The following ELP1 variants were observed in gnomAD, a reference collection of about 807,000 sequenced individuals.
The protein encoded by ELP1 is elongator complex protein 1.
In ELP1, 131 loss-of-function variants were observed where a neutral mutation model predicts 183.2. The observed-to-expected ratio is 0.72, with a 90% CI of 0.62 to 0.83. The LOEUF (loss-of-function observed/expected upper bound fraction) is 0.83, where lower values mean the gene tolerates loss of function less well. ELP1 is among the 40% of genes least tolerant of loss of function. ELP1 has a pLI of 0.00. For synonymous variants in ELP1, 555 were observed against 569.0 expected (o/e 0.98, Z 0.35); for missense variants, 1,550 against 1,594.9 (o/e 0.97, Z 0.48).
intron 35 of ELP1, chr9:108,875,635 C>G (rs1389264568): frequency 5.7e-6 from 2 of 347,996 alleles, no homozygotes; most frequent in Non-Finnish European, 1.1e-5. Flanking sequence ...TGGCTTACAC[C>G]TGTAATCTCA....
chr9:108,913,045 C>T (rs1829291061), intron 10 of ELP1, among the ~76,000 whole-genome samples: 1 of 152,084 alleles, frequency 6.6e-6, no homozygotes, highest in South Asian at 2.1e-4. Context: ...CAGGCCTGAG[C>T]CACCGTGCCT....
At chr9:108,931,280 G>A (rs909216296) in intron 1 of ELP1, 79 bp from the exon 2 acceptor site, 3 of 945,570 alleles carry the variant, frequency 3.2e-6, no homozygotes, top group East Asian at 2.5e-5. Flanking sequence ...GTGAAGAAGT[G>A]GTAGTCAGAA....
intron 14 of ELP1, among the ~76,000 whole-genome samples, chr9:108,904,229 G>A (rs190677966): frequency 2.7e-4 from 41 of 149,890 alleles, no homozygotes; most frequent in African/African-American, 9.0e-4. Context: ...TCAATGGAGC[G>A]AAGTAAAATT....
chr9:108,910,711 A>C (rs932429409), intron 12 of ELP1, among the ~76,000 whole-genome samples: 3 of 152,202 alleles, frequency 2.0e-5, no homozygotes, highest in Non-Finnish European at 4.4e-5. Flanking sequence ...GAAAAGAGTA[A>C]AACATGTTAA....
intron 14 of ELP1, among the ~76,000 whole-genome samples, 161 bp from the exon 15 acceptor site, chr9:108,903,830 C>A (rs957667228): frequency 1.4e-5 from 1 of 70,322 alleles, no homozygotes; most frequent in African/African-American, 4.4e-5. Context: ...ACTATACACA[C>A]ACACACACAC....
chr9:108,924,766 A>G (rs1829773540), intron 5 of ELP1, among the ~76,000 whole-genome samples: 1 of 152,098 alleles, frequency 6.6e-6, no homozygotes, highest in African/African-American at 2.4e-5. Flanking sequence ...TGGTCCTTCA[A>G]CAAATCCAAA....
chr9:108,879,785 G>A (rs933056954), intron 32 of ELP1, among the ~76,000 whole-genome samples: 1 of 152,186 alleles, frequency 6.6e-6, no homozygotes, highest in African/African-American at 2.4e-5. Context: ...AACTCATTTT[G>A]TTAGACACGG....
At position 108,926,527 on chromosome 9, in the gene ELP1, A is replaced by T. The variant is rs2132043736; in HGVS notation, c.462T>A (p.Gly154=). Residue 154 remains glycine (G), a synonymous_variant, in exon 5 of 37, where the codon GGT becomes GGA. Coordinates refer to ENST00000374647, the MANE Select transcript of ELP1 (RefSeq NM_003640.5). ...ATTGCACAAAGCTATACTTACTTTC[A>T]CCAAAATCATCCTGATGGATCTGCT... ...LEQQIHQDDF[G]ESKFITVGWG... 6.2e-7 allele frequency: 1 copy of T among 1,612,144 alleles called. No homozygotes were observed.
At chr9:108,871,292 T>A (rs932526151) in intron 36 of ELP1, among the ~76,000 whole-genome samples, 2 of 152,024 alleles carry the variant, frequency 1.3e-5, no homozygotes, top group African/African-American at 4.8e-5. Context: ...GAGATGTGTG[T>A]TTGGGGGCAA....
intron 35 of ELP1, among the ~76,000 whole-genome samples, chr9:108,877,155 G>A (rs1304257343): frequency 1.3e-5 from 2 of 152,158 alleles, no homozygotes; most frequent in African/African-American, 4.8e-5. Context: ...CCTCTCAGAG[G>A]TTCAAGAGCC....
Position 108,878,693 on chromosome 9 carries a change from G to A in ELP1, c.3630C>T (p.Gly1210=). 6.2e-7 allele frequency: 1 copy of A among 1,614,170 alleles called. No homozygotes were observed. The highest frequency in any genetic ancestry group is 8.5e-7 in the Non-Finnish European group (1 of 1,180,020). The change falls in exon 34 of 37, where the codon GGC becomes GGT. Residue 1210 remains glycine (G), a synonymous_variant. Coordinates refer to ENST00000374647, the MANE Select transcript of ELP1 (RefSeq NM_003640.5). Reference sequence around the variant, plus strand: ...GGAGGGCCAGGTCCTCCAGCGGACTGCCTTCTTTGAGGCTGTGCTTCTTCC... The same window carrying A: ...GGAGGGCCAGGTCCTCCAGCGGACTACCTTCTTTGAGGCTGTGCTTCTTCC... ...AERKKHSLKE[G]SPLEDLALLE...
At chr9:108,920,354 T>C (rs571917280) in intron 6 of ELP1, among the ~76,000 whole-genome samples, 1 of 150,960 alleles carries the variant, frequency 6.6e-6, no homozygotes, top group African/African-American at 2.4e-5. Flanking sequence ...CAATCTTGGC[T>C]CACCGCAACC....
At chr9:108,897,335 C>G in intron 22 of ELP1, 50 bp from the exon 23 acceptor site, 1 of 1,602,788 alleles carries the variant, frequency 6.2e-7, no homozygotes. Flanking sequence ...TGTAGCCCAG[C>G]GATCAAATTA....
At chr9:108,873,724 TCTGGGAAATAAGTGGG>T (rs906022211) in intron 36 of ELP1, among the ~76,000 whole-genome samples, 1 of 152,056 alleles carries the variant, frequency 6.6e-6, no homozygotes, top group African/African-American at 2.4e-5. Context: ...GTTCCTAGCA[TCTGGGAAATAAGTGGG>T]CTGGGCACAG....
At chr9:108,872,194 CAT>C (rs1246410620) in intron 36 of ELP1, among the ~76,000 whole-genome samples, 2 of 152,216 alleles carry the variant, frequency 1.3e-5, no homozygotes, top group African/African-American at 2.4e-5. Context: ...TGGAGACTCT[CAT>C]GTGCTGCTCA....
chr9:108,925,496 A>C (rs544167824), intron 5 of ELP1, among the ~76,000 whole-genome samples: 1 of 150,578 alleles, frequency 6.6e-6, no homozygotes, highest in Non-Finnish European at 1.5e-5. Flanking sequence ...TCAGCTGACT[A>C]CTCCAAACCC....
Position 108,912,422 on chromosome 9 carries a change from C to T in ELP1, c.1031G>A (p.Ser344Asn), listed in dbSNP as rs374294411. ...QSLSFSTCGKSKIVSLMWDPV... is the reference protein window; with the variant it reads ...QSLSFSTCGKNKIVSLMWDPV... ...GTCCCACATCAGAGACACAATCTTG[C>T]TCTTCCCACAGGTGCTGAAGGATAA... is the stretch of plus-strand genomic sequence containing the variant. The change falls in exon 11 of 37, where the codon AGC (serine) becomes AAC (asparagine). Residue 344 changes from serine to asparagine, a missense_variant. Physicochemically the swap from Ser to Asn is conservative, Grantham distance 46 (BLOSUM62 1). Coordinates refer to ENST00000374647, the MANE Select transcript of ELP1 (RefSeq NM_003640.5). The T allele has an allele frequency of 1.9e-6, 3 of 1,613,980 alleles. No homozygotes were observed. The highest frequency in any genetic ancestry group is 2.5e-6 in the Non-Finnish European group (3 of 1,179,994).
chr9:108,931,378 G>A (rs1829999741), intron 1 of ELP1, among the ~76,000 whole-genome samples, 177 bp from the exon 2 acceptor site: 1 of 152,182 alleles, frequency 6.6e-6, no homozygotes, highest in South Asian at 2.1e-4. Flanking sequence ...ACTCTATACA[G>A]TTATGGTCTA....
intron 3 of ELP1, 23 bp downstream of exon 3, chr9:108,929,746 C>T (rs139228551): frequency 1.9e-6 from 3 of 1,612,880 alleles, no homozygotes; most frequent in Admixed American, 3.3e-5. Context: ...GAGACTCCCC[C>T]CTCACTGGAG....
Sources: gnomAD v4.1 joint callset for allele counts (sites outside exome capture counted in the v4.1 genomes callset) on GRCh38, gnomAD v4.1.1 for gene constraint, MANE v1.5 for transcripts, NCBI Gene and HGNC (gene_info 2026-07-23, HGNC 2026-07-21) for gene names.